The following ROCK2 variants were observed in gnomAD, a reference collection of about 807,000 sequenced individuals.
ROCK2 encodes rho-associated protein kinase 2.
In ROCK2, 61 loss-of-function variants were observed where a neutral mutation model predicts 195.1. The ratio of observed to expected loss-of-function variants is 0.31; its 90% confidence interval spans 0.25 to 0.39. The LOEUF (loss-of-function observed/expected upper bound fraction) is 0.39. ROCK2 is among the 10% of genes least tolerant of loss of function. ROCK2 has a pLI of 1.00. For synonymous variants in ROCK2, 504 were observed against 545.5 expected (o/e 0.92, Z 1.06); for missense variants, 1,109 against 1,637.4 (o/e 0.68, Z 5.57).
intron 1 of ROCK2, among the ~76,000 whole-genome samples, chr2:11,323,189 G>A (rs1668449999): frequency 6.6e-6 from 1 of 152,084 alleles, no homozygotes; most frequent in Admixed American, 6.5e-5. Context: ...AGAGCTTGAG[G>A]TTTTACTTCA....
At position 11,307,371 on chromosome 2, in the gene ROCK2, T is replaced by C. The variant is rs918641201; in HGVS notation, c.142-19635A>G. Among the ~76,000 whole-genome samples the C allele has an allele frequency of 2.6e-5, 4 of 152,224 alleles. No homozygotes were observed. In the South Asian group the frequency reaches 8.3e-4, roughly 32 times the overall value. On this transcript the variant is annotated intron_variant, in intron 1 of 32. Coordinates refer to ENST00000315872, the MANE Select transcript of ROCK2 (RefSeq NM_004850.5). ...ACTCTGTCACCAGGCTGGAGTGCAG[T>C]GGTGCGATCTCAGCTCACTGCAACC...
chr2:11,198,874 CTTAT>C, intron 23 of ROCK2, 100 bp from the exon 24 acceptor site: 2 of 635,842 alleles, frequency 3.1e-6, no homozygotes, highest in South Asian at 2.3e-5. Context: ...TGTTAAACCT[CTTAT>C]TTTTCTTTTT....
intron 3 of ROCK2, among the ~76,000 whole-genome samples, chr2:11,262,618 T>C (rs371483370): frequency 1.4e-4 from 22 of 152,188 alleles, no homozygotes; most frequent in African/African-American, 4.6e-4. Context: ...CAAGCTCTCT[T>C]TGCCTGCTGC....
At chr2:11,211,514 G>A (rs1393140317) in intron 18 of ROCK2, among the ~76,000 whole-genome samples, 167 bp downstream of exon 18, 2 of 151,998 alleles carry the variant, frequency 1.3e-5, no homozygotes, top group Non-Finnish European at 2.9e-5. Flanking sequence ...TGATACAAAG[G>A]AAAAATAATA....
At chr2:11,242,956 A>G (rs1224667365) in intron 4 of ROCK2, among the ~76,000 whole-genome samples, 1 of 152,152 alleles carries the variant, frequency 6.6e-6, no homozygotes, top group East Asian at 1.9e-4. Context: ...TTCTAACATC[A>G]GCCATGAATA....
intron 7 of ROCK2, among the ~76,000 whole-genome samples, chr2:11,223,175 C>T (rs563358129): frequency 6.6e-6 from 1 of 152,194 alleles, no homozygotes; most frequent in Admixed American, 6.5e-5. Context: ...TTCCATTTTA[C>T]TTTGAGTTTA....
chr2:11,313,620 T>C (rs1213784318), intron 1 of ROCK2, among the ~76,000 whole-genome samples: 1 of 151,864 alleles, frequency 6.6e-6, no homozygotes, highest in Non-Finnish European at 1.5e-5. Flanking sequence ...CATATGGTTT[T>C]CCTCAGTTTT....
At chr2:11,199,430 C>T (rs1572232300) in intron 23 of ROCK2, among the ~76,000 whole-genome samples, 1 of 151,750 alleles carries the variant, frequency 6.6e-6, no homozygotes, top group South Asian at 2.1e-4. Context: ...GATCCTCCCA[C>T]CTCAGCCCCC....
chr2:11,242,646 G>C (rs573702633), intron 4 of ROCK2, among the ~76,000 whole-genome samples: 1 of 152,266 alleles, frequency 6.6e-6, no homozygotes, highest in African/African-American at 2.4e-5. Flanking sequence ...TTACTCAAGG[G>C]AGTTAATCCT....
At chr2:11,229,415 T>A (rs534768736) in intron 5 of ROCK2, among the ~76,000 whole-genome samples, 1 of 151,998 alleles carries the variant, frequency 6.6e-6, no homozygotes, top group South Asian at 2.1e-4. Flanking sequence ...ACTAAAGAGA[T>A]TGGTTTACCA....
At chr2:11,306,402 TTG>T (rs1480986277) in intron 1 of ROCK2, among the ~76,000 whole-genome samples, 1 of 152,182 alleles carries the variant, frequency 6.6e-6, no homozygotes, top group Non-Finnish European at 1.5e-5. Context: ...CGCATTATCT[TTG>T]TTTTACCTTC....
At chr2:11,336,883 A>G (rs1027705983) in intron 1 of ROCK2, among the ~76,000 whole-genome samples, 1 of 152,244 alleles carries the variant, frequency 6.6e-6, no homozygotes, top group Non-Finnish European at 1.5e-5. Context: ...GAATATCTTC[A>G]CGACATGAGG....
At chr2:11,209,808 T>C (rs1459132488) in intron 18 of ROCK2, among the ~76,000 whole-genome samples, 1 of 152,222 alleles carries the variant, frequency 6.6e-6, no homozygotes, top group Non-Finnish European at 1.5e-5. Context: ...TATGAATATT[T>C]AGTGTTTAAT....
At chr2:11,213,286 T>G (rs546042504) in intron 17 of ROCK2, among the ~76,000 whole-genome samples, 2 of 152,132 alleles carry the variant, frequency 1.3e-5, no homozygotes, top group Admixed American at 6.6e-5. Flanking sequence ...AATAAGATCA[T>G]CCAATTTAAA....
At position 11,280,713 on chromosome 2, in the gene ROCK2, C is replaced by A. The variant is rs558748261; in HGVS notation, c.324+5826G>T. Among the ~76,000 whole-genome samples, 55 of 152,066 alleles carry A rather than the reference C, an allele frequency of 3.6e-4. 1 individual carries two copies. The South Asian group carries it at 5.6e-3, about 16-fold the overall frequency. Reference sequence around the variant, plus strand: ...CCAATTCCTTCAAAGACATAATATGCCAAAACTCATACAAGAAGAAACAGA... The same window carrying A: ...CCAATTCCTTCAAAGACATAATATGACAAAACTCATACAAGAAGAAACAGA... On this transcript the variant is annotated intron_variant, in intron 3 of 32. Coordinates refer to ENST00000315872, the MANE Select transcript of ROCK2 (RefSeq NM_004850.5).
intron 1 of ROCK2, among the ~76,000 whole-genome samples, chr2:11,330,827 G>A (rs1186866551): frequency 1.1e-4 from 1 of 8,706 alleles, no homozygotes; most frequent in African/African-American, 2.0e-4. Context: ...GGAGGAGGAG[G>A]GGGAGGAAGA....
intron 3 of ROCK2, among the ~76,000 whole-genome samples, chr2:11,271,799 G>C (rs1171445721): frequency 6.6e-6 from 1 of 152,060 alleles, no homozygotes. Context: ...AGGCAGAGGC[G>C]GGCGGATCAC....
intron 1 of ROCK2, among the ~76,000 whole-genome samples, chr2:11,326,576 GT>G (rs1242847101): frequency 1.3e-5 from 2 of 152,084 alleles, no homozygotes; most frequent in African/African-American, 4.8e-5. Flanking sequence ...TTTCGTTTTT[GT>G]TTTGTTTTTT....
At chr2:11,318,944 T>G (rs528115842) in intron 1 of ROCK2, among the ~76,000 whole-genome samples, 18 of 152,296 alleles carry the variant, frequency 1.2e-4, no homozygotes, top group Admixed American at 4.6e-4. Flanking sequence ...GAGGGCTCCG[T>G]TCTGTTCCAT....
Sources: allele counts gnomAD v4.1 joint callset (sites outside exome capture counted in the v4.1 genomes callset), GRCh38; gene constraint gnomAD v4.1.1; transcripts MANE v1.5; gene names NCBI Gene and HGNC (gene_info 2026-07-23, HGNC 2026-07-21).